MN1: variants seen among roughly 807,000 people sequenced by gnomAD.
MN1 encodes MN1 proto-oncogene, transcriptional regulator, also known as transcriptional activator MN1.
In MN1, 19 loss-of-function variants were observed where a neutral mutation model predicts 86.9. The ratio of observed to expected loss-of-function variants is 0.22; its 90% CI spans 0.15 to 0.32. The LOEUF is 0.32. Among genes scored for constraint, MN1 ranks in the 10% least tolerant of loss-of-function variants. The pLI is 1.00. For missense variants in MN1, 1,841 were observed against 1,862.0 expected (o/e 0.99, Z 0.21); for synonymous variants, 928 against 849.6 (o/e 1.09, Z -1.60).
intron 1 of MN1, among the ~76,000 whole-genome samples, chr22:27,774,991 C>T (rs1932959103): frequency 6.6e-6 from 1 of 152,202 alleles, no homozygotes. Context: ...TGGGAGGCCC[C>T]AGTTCTGTGC....
rs1402593395 is a variant in MN1 at position 27,801,674 on chromosome 22, G to C, written c.-1131C>G. Among the ~76,000 whole-genome samples the C allele has an allele frequency of 2.0e-5, 3 of 152,162 alleles. No individual in the cohort carries two copies. Among genetic ancestry groups the C allele is most frequent in the Non-Finnish European group, 4.4e-5 (3 of 68,018 alleles). On this transcript the variant is annotated 5_prime_UTR_variant, in exon 1 of 2. Coordinates refer to ENST00000302326, the MANE Select transcript of MN1 (RefSeq NM_002430.3). The stretch of plus-strand genomic sequence containing the variant: ...TGCGCACCCCTCTCCCGACTAGCGG[G>C]GGGGCTCTGCGTGGGGCGTTCCGAG...
At chr22:27,762,664 C>T (rs1601325481) in intron 1 of MN1, among the ~76,000 whole-genome samples, 1 of 152,082 alleles carries the variant, frequency 6.6e-6, no homozygotes, top group Non-Finnish European at 1.5e-5. Flanking sequence ...TGCTGTACCT[C>T]TCTGAGCCCC....
chr22:27,793,399 C>A (rs45585632), intron 1 of MN1, among the ~76,000 whole-genome samples: 1,786 of 148,164 alleles, frequency 0.012, 40 homozygotes, highest in African/African-American at 0.045. Flanking sequence ...CAAAGATAGG[C>A]GGATGATTTT....
intron 1 of MN1, among the ~76,000 whole-genome samples, chr22:27,773,369 C>T (rs1331195130): frequency 3.3e-5 from 5 of 152,172 alleles, no homozygotes; most frequent in East Asian, 1.9e-4. Flanking sequence ...GGTTTCAGAG[C>T]GAGGGAGAGA....
At position 27,800,914 on chromosome 22, in the gene MN1, G is replaced by T; in HGVS notation, c.-371C>A. On this transcript the variant is annotated 5_prime_UTR_variant, in exon 1 of 2. Transcript: ENST00000302326. The stretch of plus-strand genomic sequence containing the variant: ...AGTGGGGGGAATGGGGAGGGAAGGG[G>T]GTTGGGAGAGCAGAGCGATCACCTT... 4.9e-6 allele frequency: 2 copies of T among 411,402 alleles called. No individual in the cohort carries two copies. The highest frequency in any genetic ancestry group is 4.7e-5 in the East Asian group (1 of 21,256). The allele number at this position is 411,402 out of a possible 1,614,324, so 25.5% of individuals were successfully genotyped here.
intron 1 of MN1, among the ~76,000 whole-genome samples, chr22:27,762,736 A>G (rs1932842780): frequency 6.6e-6 from 1 of 152,016 alleles, no homozygotes; most frequent in African/African-American, 2.4e-5. Flanking sequence ...CTGAACTCCT[A>G]GCACTCTGCC....
rs1046481441 is a variant in MN1 at position 27,749,527 on chromosome 22, A to G, written c.*1388T>C. 1 of 232,152 alleles carries G rather than the reference A, an allele frequency of 4.3e-6. No individual in the cohort carries two copies. The highest frequency in any genetic ancestry group is 1.8e-4 in the South Asian group (1 of 5,512). The allele number at this position is 232,152 out of a possible 1,614,324, so 14.4% of individuals were successfully genotyped here. A position where few individuals can be genotyped will look rare whatever the true frequency, so the allele number is the denominator to read the frequency against. On this transcript the variant is annotated 3_prime_UTR_variant, in exon 2 of 2. Transcript: ENST00000302326. ...CTTTTGCAGGCATCAGCAGCACCCAAAGTTGCCTGCCCCTGCCAACCACCA... is the reference window on the plus strand; with the variant it reads ...CTTTTGCAGGCATCAGCAGCACCCAGAGTTGCCTGCCCCTGCCAACCACCA...
rs1335916311 is a variant in MN1, at chr22:27,801,749, G to A, written c.-1206C>T. Among the ~76,000 whole-genome samples the A allele has an allele frequency of 6.6e-6, 1 of 152,236 alleles. No individual in the cohort carries two copies. Among genetic ancestry groups the A allele is most frequent in the Non-Finnish European group, 1.5e-5 (1 of 68,042 alleles). Reference sequence around the variant, plus strand: ...TGCCTCTCGCCCAGCGCCGGGAGAAGCAGCAACAAGTTTTGCATTTCAGCA... The same window carrying A: ...TGCCTCTCGCCCAGCGCCGGGAGAAACAGCAACAAGTTTTGCATTTCAGCA... On this transcript the variant is annotated 5_prime_UTR_variant, in exon 1 of 2. Transcript: ENST00000302326.
chr22:27,801,677 G>T lies in MN1; in HGVS notation c.-1134C>A, dbSNP rs879449202. ...GCACCCCTCTCCCGACTAGCGGGGGGGCTCTGCGTGGGGCGTTCCGAGGGT... is the reference window on the plus strand; with the variant it reads ...GCACCCCTCTCCCGACTAGCGGGGGTGCTCTGCGTGGGGCGTTCCGAGGGT... On this transcript the variant is annotated 5_prime_UTR_variant, in exon 1 of 2. Coordinates refer to ENST00000302326, the MANE Select transcript of MN1 (RefSeq NM_002430.3). Among the ~76,000 whole-genome samples the T allele has an allele frequency of 4.6e-5, 7 of 152,166 alleles. No homozygotes were observed. The highest frequency in any genetic ancestry group is 2.1e-4 in the South Asian group (1 of 4,824).
chr22:27,786,752 CCT>C (rs1933139146), intron 1 of MN1, among the ~76,000 whole-genome samples: 2 of 151,816 alleles, frequency 1.3e-5, no homozygotes, highest in South Asian at 4.1e-4. Flanking sequence ...CCACTCGCCT[CCT>C]CTTCCTGTCC....
intron 1 of MN1, among the ~76,000 whole-genome samples, chr22:27,761,008 C>T (rs1006444736): frequency 2.0e-5 from 3 of 152,152 alleles, no homozygotes; most frequent in African/African-American, 4.8e-5. Flanking sequence ...ATGCCACAGG[C>T]GCAGGGTCAC....
At chr22:27,796,684 C>G in intron 1 of MN1, 79 bp downstream of exon 1, 3 of 1,443,094 alleles carry the variant, frequency 2.1e-6, no homozygotes, top group African/African-American at 1.4e-5. Context: ...CAAAGGACCC[C>G]AAAAGGCGAA....
chr22:27,770,677 G>A (rs1292516222), intron 1 of MN1, among the ~76,000 whole-genome samples: 1 of 143,516 alleles, frequency 7.0e-6, no homozygotes, highest in Non-Finnish European at 1.5e-5. Flanking sequence ...TTTATTTTTA[G>A]AGACAGGTTC....
chr22:27,769,236 C>A (rs1932894302), intron 1 of MN1, among the ~76,000 whole-genome samples: 1 of 152,160 alleles, frequency 6.6e-6, no homozygotes, highest in Non-Finnish European at 1.5e-5. Context: ...TTTCTTGACA[C>A]AATGCTGCAG....
chr22:27,791,346 C>T (rs565566487), intron 1 of MN1, among the ~76,000 whole-genome samples: 1 of 152,104 alleles, frequency 6.6e-6, no homozygotes, highest in Non-Finnish European at 1.5e-5. Flanking sequence ...ACATCTCCAC[C>T]AAGAGCGATC....
chr22:27,799,060 G>A lies in MN1; in HGVS notation c.1484C>T (p.Pro495Leu), dbSNP rs180977192. Reference protein sequence around the residue: ...HLSPSAYPGLPGEFTPPVPDS... With the variant: ...HLSPSAYPGLLGEFTPPVPDS... ...GGGCACAGGCGGTGTGAACTCGCCG[G>A]GTAGGCCTGGGTAGGCGGAAGGGGA... The change falls in exon 1 of 2, where the codon CCC (proline) becomes CTC (leucine). Residue 495 changes from proline (P) to leucine (L), a missense_variant. Transcript: ENST00000302326. 1 of 1,609,708 alleles carries A rather than the reference G, an allele frequency of 6.2e-7. No individual in the cohort carries two copies. Among genetic ancestry groups the A allele is most frequent in the Admixed American group, 1.7e-5 (1 of 59,882 alleles).
At chr22:27,780,907 G>C (rs541949110) in intron 1 of MN1, among the ~76,000 whole-genome samples, 1 of 150,028 alleles carries the variant, frequency 6.7e-6, no homozygotes, top group South Asian at 2.1e-4. Flanking sequence ...CTTGAATATA[G>C]ACTATACTGC....
At chr22:27,757,671 A>G (rs1932810173) in intron 1 of MN1, among the ~76,000 whole-genome samples, 1 of 151,966 alleles carries the variant, frequency 6.6e-6, no homozygotes, top group Non-Finnish European at 1.5e-5. Context: ...CTGCCACTCA[A>G]CTGGGGGGCT....
rs1222114133 is a variant in MN1 at position 27,750,518 on chromosome 22, A to G, written c.*397T>C. On this transcript the variant is annotated 3_prime_UTR_variant, in exon 2 of 2. Coordinates refer to ENST00000302326, the MANE Select transcript of MN1 (RefSeq NM_002430.3). ...AAAAGAAAGCAACTCTTGTCTTATT[A>G]TGAAATAACAATACTTGGACATACA... 4.3e-6 allele frequency: 1 copy of G among 235,106 alleles called. No individual in the cohort carries two copies. The highest frequency in any genetic ancestry group is 8.4e-6 in the Non-Finnish European group (1 of 119,566). 14.6% of individuals were successfully genotyped at this position (235,106 alleles called of 1,614,324 possible). A position where few individuals can be genotyped will look rare whatever the true frequency, so the allele number is the denominator to read the frequency against.
Sources: gnomAD v4.1 joint callset for allele counts (sites outside exome capture counted in the v4.1 genomes callset) on GRCh38, gnomAD v4.1.1 for gene constraint, MANE v1.5 for transcripts, NCBI Gene and HGNC (gene_info 2026-07-23, HGNC 2026-07-21) for gene names.